Variants in TRIM65 observed in about 807,000 individuals in gnomAD.
TRIM65 encodes the protein tripartite motif containing 65.
A neutral mutation model predicts 36.1 loss-of-function variants in TRIM65; 46 were observed. The ratio of observed to expected loss-of-function variants is 1.27; its 90% CI spans 1.01 to 1.63. The LOEUF (loss-of-function observed/expected upper bound fraction) is 1.63, where lower values mean the gene tolerates loss of function less well. Ranked by LOEUF, TRIM65 falls within the 40% of genes most tolerant of loss-of-function variation. TRIM65 has a pLI of 0.00. For missense variants in TRIM65, 708 were observed against 696.6 expected (o/e 1.02, Z -0.18); for synonymous variants, 346 against 313.6 (o/e 1.10, Z -1.09).
At chr17:75,884,531 T>C (rs60059537), downstream of TRIM65, among the ~76,000 whole-genome samples, 62,964 of 152,138 alleles carry the variant, frequency 0.41, 16,449 homozygotes, top group African/African-American at 0.75. Context: ...TGACTCCCCA[T>C]GGACAACCAA....
intron 4 of TRIM65, among the ~76,000 whole-genome samples, chr17:75,882,400 G>T (rs369743132): frequency 1.3e-5 from 2 of 150,378 alleles, no homozygotes; most frequent in East Asian, 3.9e-4. Context: ...GTGGCGATGG[G>T]GTTTCACCAT....
chr17:75,888,629 A>T (rs1205023830), downstream of TRIM65, among the ~76,000 whole-genome samples: 1 of 152,154 alleles, frequency 6.6e-6, no homozygotes, highest in Non-Finnish European at 1.5e-5. Context: ...AGGCCAATAC[A>T]TCCTGCCTGG....
downstream of TRIM65, among the ~76,000 whole-genome samples, chr17:75,888,210 G>A (rs561229457): frequency 8.1e-5 from 12 of 148,958 alleles, no homozygotes; most frequent in East Asian, 3.9e-4. Flanking sequence ...AATATTAGTC[G>A]GGTGTGGTGG....
At position 75,892,271 on chromosome 17, in the gene TRIM65, A is replaced by G. The variant is rs2065280303; in HGVS notation, c.740T>C (p.Leu247Pro). The G allele has an allele frequency of 6.2e-7, 1 of 1,611,008 alleles. No homozygotes were observed. The highest frequency in any genetic ancestry group is 1.1e-5 in the South Asian group (1 of 90,696). ...LLEQVDEQTF[L>P]QESQLLQPPG... ...CTATGCCCTGAGCCCTCGCACCTGCAGGAAGGTCTGCTCATCCACCTGCTC... is the reference window on the plus strand; with the variant it reads ...CTATGCCCTGAGCCCTCGCACCTGCGGGAAGGTCTGCTCATCCACCTGCTC... Residue 247 changes from leucine (L) to proline (P), a missense_variant, in exon 3 of 6, where the codon CTG becomes CCG. Transcript: ENST00000269383.
At chr17:75,892,677 G>T in intron 2 of TRIM65, 78 bp downstream of exon 2, 2 of 1,408,260 alleles carry the variant, frequency 1.4e-6, no homozygotes, top group Non-Finnish European at 2.0e-6. Flanking sequence ...CTGCTGCCTG[G>T]TGTTCCAGGG....
Position 75,892,315 on chromosome 17 carries a change from G to T in TRIM65, c.696C>A (p.Cys232Ter). ...VHLEAVARHG[C>*]RIRELLEQVD... ...CCTGCTCCAGGAGCTCCCGGATCCT[G>T]CAGCCATGGCGAGCCACAGCCTCCA... is the stretch of plus-strand genomic sequence containing the variant. Residue 232 changes from cysteine (C) to a stop codon, truncating the protein, a stop_gained, in exon 3 of 6, where the codon TGC becomes TGA. Coordinates refer to ENST00000269383, the MANE Select transcript of TRIM65 (RefSeq NM_173547.4). LOFTEE classifies it high-confidence loss of function. 6.2e-7 allele frequency: 1 copy of T among 1,612,522 alleles called. No individual in the cohort carries two copies. Among genetic ancestry groups the T allele is most frequent in the Non-Finnish European group, 8.5e-7 (1 of 1,179,902 alleles).
chr17:75,894,229 C>A (rs950615926), intron 1 of TRIM65, among the ~76,000 whole-genome samples: 5 of 152,212 alleles, frequency 3.3e-5, no homozygotes, highest in African/African-American at 1.2e-4. Context: ...GGCCTCCTGG[C>A]CACCCCTTCC....
chr17:75,884,593 C>T (rs956453227), downstream of TRIM65, among the ~76,000 whole-genome samples: 2 of 152,120 alleles, frequency 1.3e-5, no homozygotes, highest in East Asian at 3.9e-4. Flanking sequence ...ATCTCTAAGC[C>T]GTTTAAGGTT....
In TRIM65 at chr17:75,896,906, G is replaced by A; in HGVS notation, c.32C>T (p.Thr11Ile). The change falls in exon 1 of 6, where the codon ACC becomes ATC. Residue 11 changes from threonine (T) to isoleucine (I), a missense_variant. By Grantham distance (89) the Thr-to-Ile change is moderately conservative (BLOSUM62 -1). Transcript: ENST00000269383. MAAQLLEEKLTCAICLGLYQD... is the reference protein window; with the variant it reads MAAQLLEEKLICAICLGLYQD... ...GTAGAGCCCCAGGCAGATGGCGCAGGTCAGCTTCTCCTCCAGCAGCTGCGC... is the reference window on the plus strand; with the variant it reads ...GTAGAGCCCCAGGCAGATGGCGCAGATCAGCTTCTCCTCCAGCAGCTGCGC... 12 of 1,513,142 alleles carry A rather than the reference G, an allele frequency of 7.9e-6. No individual in the cohort carries two copies. The highest frequency in any genetic ancestry group is 9.7e-6 in the Non-Finnish European group (11 of 1,135,372). 93.7% of individuals were successfully genotyped at this position (1,513,142 alleles called of 1,614,324 possible).
intron 2 of TRIM65, 122 bp from the exon 3 acceptor site, chr17:75,892,622 C>A: frequency 1.6e-6 from 2 of 1,223,218 alleles, no homozygotes; most frequent in South Asian, 2.8e-5. Flanking sequence ...GTCCCGGGAA[C>A]CTCCCCAGGA....
intron 5 of TRIM65, 52 bp from the exon 6 acceptor site, chr17:75,891,399 A>T: frequency 1.3e-6 from 2 of 1,578,834 alleles, no homozygotes; most frequent in Non-Finnish European, 1.7e-6. Context: ...GCACAACCAG[A>T]TCTCCATTTA....
At chr17:75,886,612 A>G (rs931997409), downstream of TRIM65, among the ~76,000 whole-genome samples, 1 of 151,908 alleles carries the variant, frequency 6.6e-6, no homozygotes, top group African/African-American at 2.4e-5. Context: ...AAAACAGACT[A>G]ATACACCTCT....
chr17:75,893,984 C>G (rs1464270870), intron 1 of TRIM65, among the ~76,000 whole-genome samples: 4 of 152,198 alleles, frequency 2.6e-5, no homozygotes, highest in Non-Finnish European at 4.4e-5. Flanking sequence ...GCGGCTTCAG[C>G]AGCTACAAGG....
At position 75,890,547 on chromosome 17, in the gene TRIM65, G is replaced by A; in HGVS notation, c.*232C>T. ...CAGGCCCAGACAGTACCTAGAACTG[G>A]GTTCTCTCTGGGGCAAGGGCATCCC... On this transcript the variant is annotated 3_prime_UTR_variant, in exon 6 of 6. Transcript: ENST00000269383. 1 of 453,784 alleles carries A rather than the reference G, an allele frequency of 2.2e-6. No homozygotes were observed. Among genetic ancestry groups the A allele is most frequent in the Non-Finnish European group, 3.8e-6 (1 of 260,104 alleles). The allele number at this position is 453,784 out of a possible 1,614,324, so 28.1% of individuals were successfully genotyped here. A position where few individuals can be genotyped will look rare whatever the true frequency, so the allele number is the denominator to read the frequency against.
rs55643300 is a variant in TRIM65, at chr17:75,896,902, G to T, written c.36C>A (p.Cys12Ter). ...AAQLLEEKLT[C>*]AICLGLYQDP... is the part of the protein sequence containing the mutation. ...CCTGGTAGAGCCCCAGGCAGATGGC[G>T]CAGGTCAGCTTCTCCTCCAGCAGCT... The change falls in exon 1 of 6, where the codon TGC becomes TGA. Residue 12 changes from cysteine (C) to a stop codon, truncating the protein, a stop_gained. Transcript: ENST00000269383. LOFTEE classifies it high-confidence loss of function. The T allele has an allele frequency of 2.6e-6, 4 of 1,515,208 alleles. No homozygotes were observed. The highest frequency in any genetic ancestry group is 3.5e-6 in the Non-Finnish European group (4 of 1,136,230). 93.9% of individuals were successfully genotyped at this position (1,515,208 alleles called of 1,614,324 possible). A position where few individuals can be genotyped will look rare whatever the true frequency, so the allele number is the denominator to read the frequency against.
At chr17:75,882,868 C>T (rs2143997995) in intron 4 of TRIM65, among the ~76,000 whole-genome samples, 1 of 150,038 alleles carries the variant, frequency 6.7e-6, no homozygotes, top group South Asian at 2.1e-4. Flanking sequence ...AAACAAGTGG[C>T]TGGGTGTGGT....
chr17:75,887,495 A>C (rs1172817837), downstream of TRIM65, among the ~76,000 whole-genome samples: 1 of 151,898 alleles, frequency 6.6e-6, no homozygotes, highest in African/African-American at 2.4e-5. Context: ...AAAACAAAAC[A>C]AATTAGCTGG....
At chr17:75,895,662 C>T (rs1365172644) in intron 1 of TRIM65, among the ~76,000 whole-genome samples, 1 of 152,270 alleles carries the variant, frequency 6.6e-6, no homozygotes, top group Non-Finnish European at 1.5e-5. Flanking sequence ...GCCTCCCCTT[C>T]CTCCTCCTGG....
downstream of TRIM65, among the ~76,000 whole-genome samples, chr17:75,884,035 G>A (rs900179091): frequency 6.6e-6 from 1 of 152,114 alleles, no homozygotes; most frequent in Non-Finnish European, 1.5e-5. Context: ...CTACTCAGGA[G>A]GCTGAGGCAG....
Sources: allele counts gnomAD v4.1 joint callset (sites outside exome capture counted in the v4.1 genomes callset), GRCh38; gene constraint gnomAD v4.1.1; transcripts MANE v1.5; gene names NCBI Gene and HGNC (gene_info 2026-07-23, HGNC 2026-07-21).